The following ANKS1B variants were observed in gnomAD, a reference collection of about 807,000 sequenced individuals.
The protein encoded by ANKS1B is ankyrin repeat and sterile alpha motif domain containing 1B.
Under a neutral mutation model 148.3 loss-of-function variants are expected in ANKS1B, and 36 were observed. That is an observed-to-expected ratio of 0.24 (90% CI 0.19 to 0.32). The LOEUF (loss-of-function observed/expected upper bound fraction) is 0.32. ANKS1B is among the 10% of genes least tolerant of loss of function. The pLI is 1.00. For missense variants in ANKS1B, 1,157 were observed against 1,542.6 expected (o/e 0.75, Z 4.19); for synonymous variants, 542 against 560.8 (o/e 0.97, Z 0.47).
chr12:99,023,064 G>A (rs533725452), intron 17 of ANKS1B, among the ~76,000 whole-genome samples: 1 of 152,080 alleles, frequency 6.6e-6, no homozygotes, highest in East Asian at 1.9e-4. Flanking sequence ...ACATTCCTGG[G>A]ATAAATCCCC....
At chr12:99,340,223 C>T (rs1259231448) in intron 12 of ANKS1B, among the ~76,000 whole-genome samples, 1 of 152,112 alleles carries the variant, frequency 6.6e-6, no homozygotes, top group Non-Finnish European at 1.5e-5. Flanking sequence ...TTAAGTCTTT[C>T]ACTTGGCTCT....
chr12:99,600,655 A>G (rs2097793120), intron 9 of ANKS1B, among the ~76,000 whole-genome samples: 1 of 151,978 alleles, frequency 6.6e-6, no homozygotes. Context: ...AAAAGACATC[A>G]ATCACGCCTG....
At chr12:99,163,249 C>T (rs1601298331) in intron 14 of ANKS1B, among the ~76,000 whole-genome samples, 2 of 151,976 alleles carry the variant, frequency 1.3e-5, no homozygotes, top group African/African-American at 4.8e-5. Flanking sequence ...GCCTGATATA[C>T]ATCCTTTTAT....
intron 14 of ANKS1B, among the ~76,000 whole-genome samples, chr12:99,198,945 C>G (rs2081721034): frequency 6.6e-6 from 1 of 152,090 alleles, no homozygotes; most frequent in South Asian, 2.1e-4. Flanking sequence ...TGAATTGCTC[C>G]TACTTCTAGG....
chr12:99,498,563 T>C (rs1425340903), intron 10 of ANKS1B, among the ~76,000 whole-genome samples: 2 of 152,164 alleles, frequency 1.3e-5, no homozygotes, highest in Non-Finnish European at 2.9e-5. Context: ...CAGAGCACCC[T>C]ATGCTTATCT....
At chr12:99,424,687 T>A (rs1300901335) in intron 11 of ANKS1B, among the ~76,000 whole-genome samples, 1 of 151,370 alleles carries the variant, frequency 6.6e-6, no homozygotes, top group African/African-American at 2.4e-5. Context: ...AACTTGTCTA[T>A]CTATCTATCT....
intron 12 of ANKS1B, among the ~76,000 whole-genome samples, chr12:99,266,485 G>C (rs1012387725): frequency 6.6e-6 from 1 of 152,252 alleles, no homozygotes; most frequent in East Asian, 1.9e-4. Context: ...TTACACAACT[G>C]GTTAGTAAAA....
chr12:98,878,009 T>C (rs1000108339), intron 17 of ANKS1B, among the ~76,000 whole-genome samples: 6 of 152,190 alleles, frequency 3.9e-5, no homozygotes, highest in African/African-American at 7.2e-5. Context: ...GCCCACTCTT[T>C]TATTTTCTTC....
chr12:99,138,937 CTT>C (rs1047791495), intron 15 of ANKS1B, among the ~76,000 whole-genome samples: 14 of 151,748 alleles, frequency 9.2e-5, no homozygotes, highest in Admixed American at 2.0e-4. Context: ...CCCTTTCTCT[CTT>C]TCTTTTTCTT....
intron 1 of ANKS1B, among the ~76,000 whole-genome samples, chr12:99,975,694 T>C (rs540014393): frequency 6.6e-5 from 10 of 152,320 alleles, no homozygotes; most frequent in Admixed American, 3.3e-4. Flanking sequence ...TGACTTAAGT[T>C]CCCTATAGCT....
At chr12:99,967,723 A>C (rs1410564765) in intron 1 of ANKS1B, among the ~76,000 whole-genome samples, 13 of 151,796 alleles carry the variant, frequency 8.6e-5, no homozygotes, top group Admixed American at 8.5e-4. Context: ...CTTGGCCAAC[A>C]TGGTGAAACG....
chr12:99,308,609 G>GT (rs1283366398), intron 12 of ANKS1B, among the ~76,000 whole-genome samples: 1 of 151,636 alleles, frequency 6.6e-6, no homozygotes, highest in African/African-American at 2.4e-5. Context: ...TTGGCTCCTT[G>GT]TTTTTCCTCA....
chr12:98,976,924 C>A (rs1039477497), intron 17 of ANKS1B, among the ~76,000 whole-genome samples: 1 of 152,156 alleles, frequency 6.6e-6, no homozygotes, highest in African/African-American at 2.4e-5. Context: ...ATTAGACTAA[C>A]TATTTTCTTT....
At chr12:99,328,709 G>A (rs919748115) in intron 12 of ANKS1B, among the ~76,000 whole-genome samples, 2 of 151,830 alleles carry the variant, frequency 1.3e-5, no homozygotes, top group Non-Finnish European at 2.9e-5. Context: ...ATCATGTCTG[G>A]TATTTGATCA....
intron 17 of ANKS1B, among the ~76,000 whole-genome samples, chr12:99,018,597 A>G (rs529338536): frequency 2.0e-5 from 3 of 152,314 alleles, no homozygotes; most frequent in Admixed American, 6.5e-5. Flanking sequence ...TGAACTCAGT[A>G]TAGATTCTGT....
At chr12:98,766,837 CAG>C (rs1363214068) in intron 25 of ANKS1B, among the ~76,000 whole-genome samples, 3 of 151,874 alleles carry the variant, frequency 2.0e-5, no homozygotes, top group Non-Finnish European at 4.4e-5. Flanking sequence ...TTTTTTGAGA[CAG>C]AGTCTTGTTC....
At chr12:99,026,572 C>T (rs2099948889) in intron 17 of ANKS1B, among the ~76,000 whole-genome samples, 1 of 151,906 alleles carries the variant, frequency 6.6e-6, no homozygotes, top group South Asian at 2.1e-4. Context: ...ATTCTCTGTC[C>T]CCTGAAGAGC....
chr12:99,107,933 T>G (rs1026565805), intron 15 of ANKS1B, among the ~76,000 whole-genome samples: 1 of 152,224 alleles, frequency 6.6e-6, no homozygotes, highest in Non-Finnish European at 1.5e-5. Flanking sequence ...ATAGCGACAT[T>G]ACACTTATCT....
rs1448939497 is a variant in ANKS1B at position 99,697,712 on chromosome 12, G to C, written c.1129-42502C>G. ...GAGCCACAGAACTGCACAACACAAA[G>C]AGTAAAACCCTATATAAACAATGAA... On this transcript the variant is annotated intron_variant, in intron 8 of 26. Coordinates refer to ENST00000683438, the MANE Select transcript of ANKS1B (RefSeq NM_001352186.2). Among the ~76,000 whole-genome samples the C allele has an allele frequency of 2.0e-5, 3 of 152,164 alleles. No homozygotes were observed. The East Asian group carries it at 5.8e-4, about 29-fold the overall frequency.
Sources: allele counts gnomAD v4.1 joint callset (sites outside exome capture counted in the v4.1 genomes callset), GRCh38; gene constraint gnomAD v4.1.1; transcripts MANE v1.5; gene names NCBI Gene and HGNC (gene_info 2026-07-23, HGNC 2026-07-21).